Variants in EVC2 observed in about 807,000 individuals in gnomAD.
The protein encoded by EVC2 is EvC ciliary complex subunit 2, also known as limbin.
Under a neutral mutation model 149.3 loss-of-function variants are expected in EVC2, and 148 were observed. The ratio of observed to expected loss-of-function variants is 0.99; its 90% confidence interval spans 0.87 to 1.14. The LOEUF (loss-of-function observed/expected upper bound fraction) is 1.14. Ranked by LOEUF, EVC2 falls within the 50% of genes most tolerant of loss-of-function variation. The probability of loss-of-function intolerance (pLI) is 0.00; values close to 1 mark genes in which losing one functional copy is unlikely to be tolerated. For missense variants in EVC2, 1,854 were observed against 1,627.3 expected, an observed-to-expected ratio of 1.14 and a Z score of -2.40; for synonymous variants, 776 against 649.9, an observed-to-expected ratio of 1.19 and a Z score of -2.95.
At chr4:5,543,631 G>A (rs1721559272) in intron 21 of EVC2, among the ~76,000 whole-genome samples, 1 of 152,158 alleles carries the variant, frequency 6.6e-6, no homozygotes, top group Non-Finnish European at 1.5e-5. Context: ...GGGGCTGATG[G>A]GAGTGTGTTC....
At chr4:5,611,151 T>G (rs1714789004) in intron 16 of EVC2, among the ~76,000 whole-genome samples, 1 of 152,170 alleles carries the variant, frequency 6.6e-6, no homozygotes, top group Non-Finnish European at 1.5e-5. Context: ...ACTAGTATGT[T>G]ACATGGGACC....
intron 9 of EVC2, among the ~76,000 whole-genome samples, chr4:5,642,357 T>C (rs567784456): frequency 6.6e-6 from 1 of 150,904 alleles, no homozygotes; most frequent in Non-Finnish European, 1.5e-5. Context: ...CACAGATGCA[T>C]GCAAGTACAA....
At chr4:5,628,480 C>G in intron 12 of EVC2, 79 bp downstream of exon 12, 1 of 1,556,344 alleles carries the variant, frequency 6.4e-7, no homozygotes, top group Non-Finnish European at 8.8e-7. Context: ...TTATAAATTA[C>G]CCAGTCTGTG....
Position 5,640,408 on chromosome 4 carries a change from G to A in EVC2, c.1470+106C>T, listed in dbSNP as rs118034718. The A allele has an allele frequency of 3.0e-4, 398 of 1,306,408 alleles. No individual in the cohort carries two copies. In the East Asian group the frequency reaches 7.3e-3, roughly 24 times the overall value. 80.9% of individuals were successfully genotyped at this position (1,306,408 alleles called of 1,614,324 possible). A position where few individuals can be genotyped will look rare whatever the true frequency, so the allele number is the denominator to read the frequency against. On this transcript the variant is annotated intron_variant, in intron 10 of 21. Transcript: ENST00000344408. This position sits in a 1 kb window ranked among gnomAD's most constrained non-coding sequence, Gnocchi z 4.6. ...TGAGTGGGTGGTTGGATGGATGATG[G>A]GTAGACGGATGGAGGAGGCAAATGG...
At chr4:5,673,143 C>T (rs914398669) in intron 7 of EVC2, among the ~76,000 whole-genome samples, 2 of 152,204 alleles carry the variant, frequency 1.3e-5, no homozygotes, top group African/African-American at 4.8e-5. Flanking sequence ...TACTTTACCA[C>T]ACACACAGAA....
chr4:5,576,544 A>C lies in EVC2; in HGVS notation c.3058-90T>G. ...CTGACCTCCTGGGTGTCTTGCTACA[A>C]GTCTGGCATGACTCTGTCTTGCCTG... is the stretch of plus-strand genomic sequence containing the variant. On this transcript the variant is annotated intron_variant, in intron 17 of 21. Transcript: ENST00000344408. The surrounding 1 kb of genome is among the most constrained non-coding windows in gnomAD (Gnocchi z 4.5). 6.5e-7 allele frequency: 1 copy of C among 1,533,568 alleles called. No homozygotes were observed. The highest frequency in any genetic ancestry group is 1.2e-5 in the South Asian group (1 of 83,798). The allele number at this position is 1,533,568 out of a possible 1,614,324, so 95.0% of individuals were successfully genotyped here. A position where few individuals can be genotyped will look rare whatever the true frequency, so the allele number is the denominator to read the frequency against.
At position 5,565,336 on chromosome 4, in the gene EVC2, G is replaced by A; in HGVS notation, c.3581C>T (p.Ala1194Val). 2 of 1,614,046 alleles carry A rather than the reference G, an allele frequency of 1.2e-6. No individual in the cohort carries two copies. The highest frequency in any genetic ancestry group is 1.3e-5 in the African/African-American group (1 of 74,992). Residue 1194 changes from alanine to valine, a missense_variant, in exon 21 of 22, where the codon GCC becomes GTC. Ala to Val is a moderately conservative substitution (Grantham distance 64). Coordinates refer to ENST00000344408, the MANE Select transcript of EVC2 (RefSeq NM_147127.5). ...ATCTCCTCGCAGTTTGCCATCTAAG[G>A]CTTGCCACCAGCTCTGGTGTTTCCT... The part of the protein sequence containing the change: ...RRRKHQSWWQ[A>V]LDGKLRGDLI...
intron 16 of EVC2, among the ~76,000 whole-genome samples, chr4:5,608,556 CAG>C (rs1714578868): frequency 6.6e-6 from 1 of 152,098 alleles, no homozygotes; most frequent in Admixed American, 6.5e-5. Flanking sequence ...TTTAATGAGA[CAG>C]AGTCTCGGTC....
intron 16 of EVC2, among the ~76,000 whole-genome samples, chr4:5,588,213 C>T (rs1189220417): frequency 1.3e-5 from 2 of 152,116 alleles, no homozygotes; most frequent in Non-Finnish European, 2.9e-5. Flanking sequence ...GACATTGCTC[C>T]ATGTTCTTCT....
chr4:5,634,525 A>G (rs1716763270), intron 10 of EVC2, among the ~76,000 whole-genome samples: 1 of 152,246 alleles, frequency 6.6e-6, no homozygotes, highest in South Asian at 2.1e-4. Context: ...AAAAGCAGAC[A>G]CACACACAAA....
In EVC2 at chr4:5,616,062, G is replaced by C. The variant is rs114269683; in HGVS notation, c.2707-518C>G. On this transcript the variant is annotated intron_variant, in intron 15 of 21. Transcript: ENST00000344408. The stretch of plus-strand genomic sequence containing the variant: ...GAGGGGATAGCCCTAGAGAGGGCCA[G>C]GCAGGGAGCCCATCAGGCACATCTC... Among the ~76,000 whole-genome samples the C allele has an allele frequency of 2.9e-3, 442 of 152,222 alleles. 1 individual carries two copies. Among genetic ancestry groups the C allele is most frequent in the African/African-American group, 0.01 (420 of 41,568 alleles).
rs1722040886 is a variant in EVC2, at chr4:5,562,901, T to G, written c.3874A>C (p.Lys1292Gln). 1 of 1,614,078 alleles carries G rather than the reference T, an allele frequency of 6.2e-7. No individual in the cohort carries two copies. The change falls in exon 22 of 22, where the codon AAG becomes CAG. Residue 1292 changes from lysine (K) to glutamine (Q), a missense_variant. Physicochemically the swap from Lys to Gln is moderately conservative, Grantham distance 53. Coordinates refer to ENST00000344408, the MANE Select transcript of EVC2 (RefSeq NM_147127.5). The surrounding 1 kb of genome is among the most constrained non-coding windows in gnomAD (Gnocchi z 4.3). ...TTTTTGGCATTCAAAAAGTTCTTCT[T>G]TTTCCTGGGAGGAACGTGCAGTGAG... ...EISLHVPPRK[K>Q]KNFLNAKKAM...
chr4:5,618,580 G>C lies in EVC2; in HGVS notation c.2604C>G (p.Leu868=). 6.2e-7 allele frequency: 1 copy of C among 1,614,148 alleles called. No individual in the cohort carries two copies. The highest frequency in any genetic ancestry group is 1.7e-5 in the Admixed American group (1 of 60,020). The change falls in exon 15 of 22, where the codon CTC becomes CTG. Residue 868 remains leucine, a synonymous_variant. Coordinates refer to ENST00000344408, the MANE Select transcript of EVC2 (RefSeq NM_147127.5). The surrounding 1 kb of genome is among the most constrained non-coding windows in gnomAD (Gnocchi z 4.4). ...CFAQMDRSLA[L]PKIRARVLLQ... ...GCAGAACTCGGGCCCGGATCTTGGG[G>C]AGGGCCAAGCTCCTGTCCATCTGAG... is the stretch of plus-strand genomic sequence containing the variant.
chr4:5,583,878 C>T lies in EVC2; in HGVS notation c.3057+745G>A, dbSNP rs143503333. ...AAACACAGTTTTTTTTTTTTTGAGA[C>T]GGAGTCTTGCTCTGTCTCACCCAGG... On this transcript the variant is annotated intron_variant, in intron 17 of 21. Transcript: ENST00000344408. Among the ~76,000 whole-genome samples the T allele has an allele frequency of 3.1e-3, 447 of 144,242 alleles. 2 individuals are homozygous for T. The highest frequency in any genetic ancestry group is 0.011 in the African/African-American group (416 of 39,342). The allele number at this position is 144,242 out of a possible 152,430, so 94.6% of individuals were successfully genotyped here. A position where few individuals can be genotyped will look rare whatever the true frequency, so the allele number is the denominator to read the frequency against.
chr4:5,563,591 C>T (rs1211319178), intron 21 of EVC2, among the ~76,000 whole-genome samples: 2 of 152,150 alleles, frequency 1.3e-5, no homozygotes, highest in African/African-American at 2.4e-5. Context: ...CCGCCCACAT[C>T]GGCCTCTCAA....
chr4:5,684,128 C>A (rs1720533336), intron 6 of EVC2, among the ~76,000 whole-genome samples: 2 of 152,144 alleles, frequency 1.3e-5, no homozygotes, highest in Admixed American at 1.3e-4. Context: ...GTTATGATTT[C>A]TTCTGGACCA....
At chr4:5,533,421 G>A in the EVC2 span, among the ~76,000 whole-genome samples, 1 of 152,178 alleles carries the variant, frequency 6.6e-6, no homozygotes, top group African/African-American at 2.4e-5. Flanking sequence ...GGGTGGAGTG[G>A]GAGGAGAGGT....
rs1299674047 is a variant in EVC2, at chr4:5,633,853, C to T, written c.1471-1821G>A. Among the ~76,000 whole-genome samples the T allele has an allele frequency of 2.0e-5, 3 of 152,258 alleles. No individual in the cohort carries two copies. Among genetic ancestry groups the T allele is most frequent in the Non-Finnish European group, 4.4e-5 (3 of 68,050 alleles). On this transcript the variant is annotated intron_variant, in intron 10 of 21. Coordinates refer to ENST00000344408, the MANE Select transcript of EVC2 (RefSeq NM_147127.5). This position sits in a 1 kb window ranked among gnomAD's most constrained non-coding sequence, Gnocchi z 4.4. The stretch of plus-strand genomic sequence containing the variant: ...CTCCCCAATTTCCCAAGTCACAGAC[C>T]TGCTCACCTCCACTTCCAATAACTC...
At chr4:5,536,243 C>T in the EVC2 span, among the ~76,000 whole-genome samples, 1 of 152,084 alleles carries the variant, frequency 6.6e-6, no homozygotes, top group Non-Finnish European at 1.5e-5. Context: ...TGACACTCTA[C>T]TTATTATATC....
Sources: allele counts gnomAD v4.1 joint callset (sites outside exome capture counted in the v4.1 genomes callset), GRCh38; gene constraint gnomAD v4.1.1; non-coding constraint Gnocchi (gnomAD v3.1); transcripts MANE v1.5; gene names NCBI Gene and HGNC (gene_info 2026-07-23, HGNC 2026-07-21).